The following FAM227B variants were observed in gnomAD, a reference collection of about 807,000 sequenced individuals.
FAM227B encodes the protein protein FAM227B.
A neutral mutation model predicts 73.8 loss-of-function variants in FAM227B; 88 were observed. That is an observed-to-expected ratio of 1.19 (90% confidence interval 1.00 to 1.42). The LOEUF (loss-of-function observed/expected upper bound fraction) is 1.42. Ranked by LOEUF, FAM227B falls within the 40% of genes most tolerant of loss-of-function variation. FAM227B has a pLI of 0.00. For missense variants in FAM227B, 632 were observed against 590.9 expected (o/e 1.07, Z -0.72); for synonymous variants, 210 against 190.5 (o/e 1.10, Z -0.84).
At chr15:49,525,711 T>C (rs57451462) in intron 10 of FAM227B, among the ~76,000 whole-genome samples, 1,159 of 63,148 alleles carry the variant, frequency 0.018, 37 homozygotes, top group African/African-American at 0.057. Context: ...TATATATATA[T>C]ATATATATCA....
chr15:49,591,023 TTTTTTGTTTTTTTTTTTTTTGA>T (rs2076499908), intron 3 of FAM227B, among the ~76,000 whole-genome samples: 1 of 136,948 alleles, frequency 7.3e-6, no homozygotes, highest in African/African-American at 2.8e-5. Context: ...TCTTTCTCTT[TTTTTTGTTTTTTTTTTTTTTGA>T]TTTTTTTTTT....
chr15:49,470,008 T>C lies in FAM227B; in HGVS notation c.1012+38203A>G, dbSNP rs568382297. ...ATTAGAGGATGGCATTAAATAGAAA[T>C]GGTAGCTATGCTTTAACATATTTCT... On this transcript the variant is annotated intron_variant, in intron 11 of 15. Coordinates refer to ENST00000299338, the MANE Select transcript of FAM227B (RefSeq NM_152647.3). 3.5e-4 allele frequency among the ~76,000 whole-genome samples: 53 copies of C among 152,280 alleles called. No homozygotes were observed. The South Asian group carries it at 3.7e-3, about 11-fold the overall frequency.
At chr15:49,619,516 C>T (rs1368143755) in intron 1 of FAM227B, among the ~76,000 whole-genome samples, 1 of 152,152 alleles carries the variant, frequency 6.6e-6, no homozygotes, top group Non-Finnish European at 1.5e-5. Context: ...AGAAGCTCTG[C>T]TAGCATGCCC....
chr15:49,605,251 T>C (rs1344867850), intron 3 of FAM227B, among the ~76,000 whole-genome samples: 1 of 152,166 alleles, frequency 6.6e-6, no homozygotes, highest in African/African-American at 2.4e-5. Context: ...TCAGGTAAGC[T>C]GACTTGGTAT....
At chr15:49,359,916 A>T (rs1323927859) in intron 13 of FAM227B, among the ~76,000 whole-genome samples, 1 of 148,984 alleles carries the variant, frequency 6.7e-6, no homozygotes, top group African/African-American at 2.5e-5. Context: ...GCCATAAAAA[A>T]TTATGAGTTC....
chr15:49,451,685 T>C (rs2052758367), intron 11 of FAM227B, among the ~76,000 whole-genome samples: 1 of 152,178 alleles, frequency 6.6e-6, no homozygotes, highest in African/African-American at 2.4e-5. Flanking sequence ...CTAATTTTTA[T>C]GTACGTCTCA....
chr15:49,335,040 A>G (rs2039458997), intron 14 of FAM227B, among the ~76,000 whole-genome samples: 1 of 152,184 alleles, frequency 6.6e-6, no homozygotes, highest in Admixed American at 6.5e-5. Flanking sequence ...GCTTGACACC[A>G]GCCCAGCTGC....
At chr15:49,589,580 C>CAT (rs2076399824) in intron 4 of FAM227B, among the ~76,000 whole-genome samples, 196 bp downstream of exon 4, 1 of 146,250 alleles carries the variant, frequency 6.8e-6, no homozygotes, top group Non-Finnish European at 1.5e-5. Context: ...CACACACACA[C>CAT]ACACACACAG....
intron 11 of FAM227B, among the ~76,000 whole-genome samples, chr15:49,415,375 T>G (rs149000524): frequency 6.6e-6 from 1 of 152,272 alleles, no homozygotes; most frequent in Non-Finnish European, 1.5e-5. Flanking sequence ...TAGAATGGCA[T>G]GAAGCTGTCA....
At chr15:49,568,488 C>T in intron 8 of FAM227B, 142 bp from the exon 9 acceptor site, 1 of 635,812 alleles carries the variant, frequency 1.6e-6, no homozygotes, top group African/African-American at 1.9e-5. Context: ...TAATGCAGAC[C>T]CAAATTTTAA....
At position 49,477,373 on chromosome 15, in the gene FAM227B, A is replaced by G. The variant is rs190480726; in HGVS notation, c.1012+30838T>C. On this transcript the variant is annotated intron_variant, in intron 11 of 15. Transcript: ENST00000299338. ...CTCCTCAAGGCCCTTGCCACCACTG[A>G]TACTACTGTCTCTAAAGTTTTGCCT... 9.8e-5 allele frequency among the ~76,000 whole-genome samples: 15 copies of G among 152,296 alleles called. 1 individual carries two copies. The East Asian group carries it at 2.9e-3, about 29-fold the overall frequency.
intron 11 of FAM227B, among the ~76,000 whole-genome samples, chr15:49,438,399 C>G (rs2151823523): frequency 6.6e-6 from 1 of 151,776 alleles, no homozygotes; most frequent in East Asian, 2.0e-4. Context: ...CAATGAATAT[C>G]CATTGCTTTG....
intron 5 of FAM227B, among the ~76,000 whole-genome samples, chr15:49,578,647 T>A (rs1217394226): frequency 6.6e-6 from 1 of 152,136 alleles, no homozygotes; most frequent in African/African-American, 2.4e-5. Context: ...GAAAGAATGA[T>A]GTATTGCTTC....
At position 49,550,361 on chromosome 15, in the gene FAM227B, G is replaced by A. The variant is rs1295147045; in HGVS notation, c.748-8555C>T. Among the ~76,000 whole-genome samples, 15 of 150,238 alleles carry A rather than the reference G, an allele frequency of 1.0e-4. No individual in the cohort carries two copies. The South Asian group carries it at 1.9e-3, about 19-fold the overall frequency. ...TGACCCCCCCACCTCCCTCCCGGAC[G>A]GGGCGGCTGGCCTGGCGGGGGCTGA... On this transcript the variant is annotated intron_variant, in intron 9 of 15. Coordinates refer to ENST00000299338, the MANE Select transcript of FAM227B (RefSeq NM_152647.3).
intron 8 of FAM227B, among the ~76,000 whole-genome samples, chr15:49,570,557 GATC>G (rs1187956070): frequency 6.6e-6 from 1 of 151,738 alleles, no homozygotes; most frequent in Non-Finnish European, 1.5e-5. Flanking sequence ...CAGTATAATA[GATC>G]ATTAAAACTT....
In FAM227B at chr15:49,589,932, T is replaced by G. The variant is rs774567228; in HGVS notation, c.181A>C (p.Ser61Arg). The change falls in exon 4 of 16, where the codon AGT becomes CGT. Residue 61 changes from serine to arginine, a missense_variant. Coordinates refer to ENST00000299338, the MANE Select transcript of FAM227B (RefSeq NM_152647.3). ...TGTGTATAAATTGAAACAAATGAAC[T>G]ATCTTCTTTTATTTTTTTCAGAGTG... The part of the protein sequence containing the change: ...SCTLKKIKED[S>R]SFVSIYTHLW... 1.9e-6 allele frequency: 3 copies of G among 1,602,012 alleles called. No individual in the cohort carries two copies. The African/African-American group carries it at 4.0e-5, about 21-fold the overall frequency.
Position 49,357,835 on chromosome 15 carries a change from T to G in FAM227B, c.1271+9613A>C, listed in dbSNP as rs553056457. 9.2e-5 allele frequency among the ~76,000 whole-genome samples: 14 copies of G among 152,200 alleles called. 2 individuals are homozygous for G. The South Asian group carries it at 2.7e-3, about 29-fold the overall frequency. On this transcript the variant is annotated intron_variant, in intron 13 of 15. Transcript: ENST00000299338. ...TTGATGAACATTGATGCAAAAATCC[T>G]CAATAAAATACTGGCAAAACAAATC...
Position 49,328,520 on chromosome 15 carries a change from A to T in FAM227B, c.*48T>A. 1 of 1,602,466 alleles carries T rather than the reference A, an allele frequency of 6.2e-7. No individual in the cohort carries two copies. Among genetic ancestry groups the T allele is most frequent in the South Asian group, 1.1e-5 (1 of 89,610 alleles). On this transcript the variant is annotated 3_prime_UTR_variant, in exon 16 of 16. Transcript: ENST00000299338. ...ATATTGTTACAATTAAACTGATACC[A>T]CTGAATTGTATGCATTATTCTTGAA...
At chr15:49,549,379 T>C (rs1289911101) in intron 9 of FAM227B, among the ~76,000 whole-genome samples, 3 of 149,762 alleles carry the variant, frequency 2.0e-5, no homozygotes, top group African/African-American at 5.0e-5. Flanking sequence ...CAGAGGGGGA[T>C]TTGGCAGGGT....
Sources: gnomAD v4.1 joint callset for allele counts (sites outside exome capture counted in the v4.1 genomes callset) on GRCh38, gnomAD v4.1.1 for gene constraint, MANE v1.5 for transcripts, NCBI Gene and HGNC (gene_info 2026-07-23, HGNC 2026-07-21) for gene names.